PPM1B: variants seen among roughly 807,000 people sequenced by gnomAD.
PPM1B encodes the protein protein phosphatase 1B.
In PPM1B, 22 loss-of-function variants were observed where a neutral mutation model predicts 43.0. That is an observed-to-expected ratio of 0.51 (90% CI 0.37 to 0.73). The LOEUF (loss-of-function observed/expected upper bound fraction) is 0.73, where lower values mean the gene tolerates loss of function less well. PPM1B is among the 30% of genes least tolerant of loss of function. The probability of loss-of-function intolerance (pLI) is 0.00; values close to 1 mark genes in which losing one functional copy is unlikely to be tolerated. For synonymous variants in PPM1B, 217 were observed against 197.9 expected (o/e 1.10, Z -0.81); for missense variants, 632 against 584.2 (o/e 1.08, Z -0.84).
At chr2:44,215,930 C>G (rs1436214480) in intron 3 of PPM1B, among the ~76,000 whole-genome samples, 1 of 152,034 alleles carries the variant, frequency 6.6e-6, no homozygotes, top group African/African-American at 2.4e-5. Context: ...AAGAACATTC[C>G]AGGCAATGAC....
intron 5 of PPM1B, among the ~76,000 whole-genome samples, chr2:44,225,251 C>T (rs920520): frequency 0.55 from 84,061 of 152,016 alleles, 23,990 homozygotes; most frequent in Admixed American, 0.65. Flanking sequence ...TGTCTTTACT[C>T]TAAAAGAGTT....
chr2:44,188,206 G>T (rs1214785830), intron 1 of PPM1B, among the ~76,000 whole-genome samples: 1 of 151,996 alleles, frequency 6.6e-6, no homozygotes, highest in East Asian at 1.9e-4. Flanking sequence ...CTGAAAAGCA[G>T]TTTTTTTGTA....
At chr2:44,244,838 T>TATATAC (rs1198220436), downstream of PPM1B, among the ~76,000 whole-genome samples, 2 of 144,520 alleles carry the variant, frequency 1.4e-5, no homozygotes, top group African/African-American at 5.1e-5. Flanking sequence ...TATATATATA[T>TATATAC]ACACACACAC....
intron 1 of PPM1B, among the ~76,000 whole-genome samples, chr2:44,182,370 C>T (rs1667915920): frequency 6.6e-6 from 1 of 152,102 alleles, no homozygotes; most frequent in South Asian, 2.1e-4. Flanking sequence ...AGTGATTCTC[C>T]TGCCTCAGCC....
At chr2:44,193,809 CG>C (rs1407125103) in intron 1 of PPM1B, among the ~76,000 whole-genome samples, 1 of 152,054 alleles carries the variant, frequency 6.6e-6, no homozygotes, top group East Asian at 1.9e-4. Flanking sequence ...GAACTCCTGA[CG>C]TAAGGTGATC....
At chr2:44,214,794 G>A (rs1478711683) in intron 3 of PPM1B, among the ~76,000 whole-genome samples, 1 of 152,160 alleles carries the variant, frequency 6.6e-6, no homozygotes, top group East Asian at 1.9e-4. Flanking sequence ...GGAGCCTAAA[G>A]TTCTCCTAGT....
At chr2:44,244,338 T>C (rs758279973) in exon 6 of PPM1B, 1 of 1,360,546 alleles carries the variant, frequency 7.3e-7, no homozygotes, top group South Asian at 1.1e-5. Flanking sequence ...CAAAAAGGTT[T>C]TTTTGTAAAC....
Position 44,201,682 on chromosome 2 carries a change from A to C in PPM1B, c.483A>C (p.Gln161His), listed in dbSNP as rs745859409. 16 of 1,614,228 alleles carry C rather than the reference A, an allele frequency of 9.9e-6. No homozygotes were observed. Among genetic ancestry groups the C allele is most frequent in the Non-Finnish European group, 1.4e-5 (16 of 1,180,032 alleles). The stretch of plus-strand genomic sequence containing the variant: ...GTGCTGTTCTGTATAGGAATGGACA[A>C]GTCTGCTTTTCTACCCAGGATCACA... Reference protein sequence around the residue: ...DSRAVLYRNGQVCFSTQDHKP... With the variant: ...DSRAVLYRNGHVCFSTQDHKP... Residue 161 changes from glutamine (Q) to histidine (H), a missense_variant, in exon 2 of 6, where the codon CAA becomes CAC. By Grantham distance (24) the Gln-to-His change is conservative. Transcript: ENST00000282412. This position sits in a 1 kb window ranked among gnomAD's most constrained non-coding sequence, Gnocchi z 5.4.
At position 44,230,821 on chromosome 2, in the gene PPM1B, C is replaced by G; in HGVS notation, c.*103C>G. 4 of 1,476,960 alleles carry G rather than the reference C, an allele frequency of 2.7e-6. No individual in the cohort carries two copies. The highest frequency in any genetic ancestry group is 1.4e-5 in the South Asian group (1 of 69,512). The allele number at this position is 1,476,960 out of a possible 1,614,324, so 91.5% of individuals were successfully genotyped here. On this transcript the variant is annotated 3_prime_UTR_variant, in exon 6 of 6. Transcript: ENST00000282412. ...GTTTTGTTATTTGAATCTTGGAAAA[C>G]TAGTTTTATTATATTCAGATAGCCT...
chr2:44,230,793 A>G lies in PPM1B; in HGVS notation c.*75A>G. On this transcript the variant is annotated 3_prime_UTR_variant, in exon 6 of 6. Transcript: ENST00000282412. ...GAAGTGTAATGTATGCATTTATATA[A>G]CTGTTTTGTTATTTGAATCTTGGAA... The G allele has an allele frequency of 6.6e-7, 1 of 1,517,872 alleles. No homozygotes were observed. The highest frequency in any genetic ancestry group is 2.2e-5 in the Admixed American group (1 of 44,792). 94.0% of individuals were successfully genotyped at this position (1,517,872 alleles called of 1,614,324 possible). A position where few individuals can be genotyped will look rare whatever the true frequency, so the allele number is the denominator to read the frequency against.
intron 1 of PPM1B, among the ~76,000 whole-genome samples, chr2:44,192,193 AT>A (rs1558400428): frequency 4.6e-3 from 483 of 104,128 alleles, no homozygotes; most frequent in African/African-American, 0.018. Context: ...ATGTTATGGT[AT>A]TGTATTGTAT....
intron 1 of PPM1B, among the ~76,000 whole-genome samples, chr2:44,198,323 G>A (rs1668762065): frequency 6.6e-6 from 1 of 152,074 alleles, no homozygotes; most frequent in African/African-American, 2.4e-5. Context: ...ACCATGCCCG[G>A]CCAATTTTTG....
chr2:44,175,366 G>T (rs1433750821), intron 1 of PPM1B, among the ~76,000 whole-genome samples: 4 of 152,104 alleles, frequency 2.6e-5, no homozygotes, highest in Admixed American at 6.5e-5. Flanking sequence ...TATTTACTCT[G>T]AGCTACCAAC....
chr2:44,209,891 T>G (rs1210586814), intron 3 of PPM1B, among the ~76,000 whole-genome samples: 4 of 152,194 alleles, frequency 2.6e-5, no homozygotes, highest in Non-Finnish European at 4.4e-5. Flanking sequence ...TGGGGATTGA[T>G]TGACAGGGAG....
At position 44,218,088 on chromosome 2, in the gene PPM1B, AC is replaced by A. The variant is rs768573738; in HGVS notation, c.1076+11del. 3.8e-6 allele frequency: 6 copies of A among 1,582,054 alleles called. No individual in the cohort carries two copies. Among genetic ancestry groups the A allele is most frequent in the Non-Finnish European group, 5.2e-6 (6 of 1,153,010 alleles). On this transcript the variant is annotated intron_variant, in intron 4 of 5. Transcript: ENST00000282412. The stretch of plus-strand genomic sequence containing the variant: ...GAGGTCTTGCTGGCAAGTAAGTAGA[AC>A]AAAAAGCTAATTTTGAGTTCGTTCA...
At chr2:44,239,179 C>CAAAAAAAA (rs1193340508), downstream of PPM1B, among the ~76,000 whole-genome samples, 4 of 89,600 alleles carry the variant, frequency 4.5e-5, no homozygotes, top group Non-Finnish European at 6.9e-5. Context: ...GTCTCTAATA[C>CAAAAAAAA]AAAAAAAAAA....
chr2:44,226,975 A>ATTT (rs1558430093), intron 5 of PPM1B, among the ~76,000 whole-genome samples: 67 of 79,432 alleles, frequency 8.4e-4, no homozygotes, highest in South Asian at 2.6e-3. Context: ...TTTATTTATG[A>ATTT]ATGAATGAAT....
intron 5 of PPM1B, among the ~76,000 whole-genome samples, chr2:44,242,380 G>T (rs187421691): frequency 1.3e-5 from 2 of 152,172 alleles, no homozygotes; most frequent in East Asian, 3.9e-4. Flanking sequence ...ATTGGGAAAA[G>T]GAGCTTTTTA....
At chr2:44,218,647 A>T in intron 5 of PPM1B, 110 bp downstream of exon 5, 2 of 708,910 alleles carry the variant, frequency 2.8e-6, no homozygotes, top group Non-Finnish European at 4.6e-6. Context: ...TCTGTAGTAA[A>T]TTACTACTGC....
Sources: allele counts gnomAD v4.1 joint callset (sites outside exome capture counted in the v4.1 genomes callset), GRCh38; gene constraint gnomAD v4.1.1; non-coding constraint Gnocchi (gnomAD v3.1); transcripts MANE v1.5; gene names NCBI Gene and HGNC (gene_info 2026-07-23, HGNC 2026-07-21).